CCT4: variants seen among roughly 807,000 people sequenced by gnomAD.
The protein encoded by CCT4 is chaperonin containing TCP1 subunit 4.
In CCT4, 17 loss-of-function variants were observed where a neutral mutation model predicts 62.5. That is an observed-to-expected ratio of 0.27 (90% CI 0.19 to 0.41). CCT4 has a LOEUF of 0.41. CCT4 is among the 10% of genes least tolerant of loss of function. The pLI, the probability that CCT4 is intolerant of heterozygous loss-of-function variation, is 1.00. For missense variants in CCT4, 592 were observed against 659.2 expected, an observed-to-expected ratio of 0.90 and a Z score of 1.12; for synonymous variants, 250 against 229.9, an observed-to-expected ratio of 1.09 and a Z score of -0.79.
chr2:61,879,897 A>G (rs1353736508), intron 4 of CCT4, among the ~76,000 whole-genome samples: 1 of 151,708 alleles, frequency 6.6e-6, no homozygotes. Flanking sequence ...TGCCCGGCTA[A>G]TTTTTTGTAT....
At chr2:61,868,901 C>G (rs955468201) in intron 13 of CCT4, 195 bp from the exon 14 acceptor site, 2 of 520,048 alleles carry the variant, frequency 3.8e-6, no homozygotes, top group Admixed American at 3.1e-5. Flanking sequence ...CTTTGGGAGG[C>G]TGAGGCAGGT....
intron 3 of CCT4, among the ~76,000 whole-genome samples, chr2:61,882,033 A>G (rs1378770114): frequency 1.3e-5 from 2 of 151,564 alleles, no homozygotes; most frequent in African/African-American, 4.9e-5. Context: ...TCCCCGGTTC[A>G]AGCAATTCTC....
intron 8 of CCT4, 136 bp from the exon 9 acceptor site, chr2:61,873,429 T>C: frequency 1.7e-6 from 1 of 583,758 alleles, no homozygotes. Context: ...GTTTACTAAG[T>C]TCGTAAGGTC....
chr2:61,881,511 C>T (rs1669115304), intron 3 of CCT4, among the ~76,000 whole-genome samples: 1 of 151,906 alleles, frequency 6.6e-6, no homozygotes, highest in African/African-American at 2.4e-5. Flanking sequence ...CTCAATAGTA[C>T]CACATACTAT....
intron 4 of CCT4, among the ~76,000 whole-genome samples, chr2:61,879,256 C>CTTTTTTTT (rs35373962): frequency 6.9e-5 from 7 of 101,078 alleles, no homozygotes; most frequent in Non-Finnish European, 1.1e-4. Context: ...AAATTTTATA[C>CTTTTTTTT]TTTTTTTTTT....
chr2:61,869,039 G>C (rs564400513), intron 13 of CCT4, among the ~76,000 whole-genome samples: 2 of 150,822 alleles, frequency 1.3e-5, no homozygotes, highest in South Asian at 4.2e-4. Flanking sequence ...GGAGGTGGGA[G>C]ACTGAGGCAA....
rs958677163 is a variant in CCT4, at chr2:61,877,207, G to A, written c.645-155C>T. On this transcript the variant is annotated intron_variant, in intron 6 of 13. Transcript: ENST00000394440. ...TCCTGGATCTCTTTGATCCACTGCTGCCTTACTATCATAAGGTAACATAAA... is the reference window on the plus strand; with the variant it reads ...TCCTGGATCTCTTTGATCCACTGCTACCTTACTATCATAAGGTAACATAAA... Among the ~76,000 whole-genome samples, 3 of 152,116 alleles carry A rather than the reference G, an allele frequency of 2.0e-5. No homozygotes were observed. The East Asian group carries it at 5.8e-4, about 29-fold the overall frequency.
intron 8 of CCT4, among the ~76,000 whole-genome samples, chr2:61,875,138 T>C (rs1487694114): frequency 1.0e-4 from 1 of 9,670 alleles, no homozygotes. Context: ...CGAAACTCCA[T>C]TTCAAAAAAA....
At chr2:61,882,961 C>T (rs1669151037) in intron 3 of CCT4, among the ~76,000 whole-genome samples, 1 of 152,108 alleles carries the variant, frequency 6.6e-6, no homozygotes, top group Non-Finnish European at 1.5e-5. Context: ...CACCACTATG[C>T]CTGGCTTGAT....
intron 5 of CCT4, among the ~76,000 whole-genome samples, chr2:61,878,611 T>C (rs1230239326): frequency 2.0e-5 from 3 of 152,208 alleles, no homozygotes; most frequent in Non-Finnish European, 2.9e-5. Context: ...AATTAAAATA[T>C]CTAGCTTTAT....
At chr2:61,872,889 T>C (rs1037100438) in intron 10 of CCT4, 113 bp downstream of exon 10, 11 of 727,754 alleles carry the variant, frequency 1.5e-5, no homozygotes, top group Admixed American at 4.3e-5. Flanking sequence ...ATCATGCCAC[T>C]GCACTCCAAC....
Position 61,888,520 on chromosome 2 carries a change from T to C in CCT4, c.-13A>G. On this transcript the variant is annotated 5_prime_UTR_variant, in exon 1 of 14. Transcript: ENST00000394440. ...CATTCTCGGGCATGGCAAACTCCGC[T>C]GTGTCTGGGTTGGCTCGGGAAGGAC... is the stretch of plus-strand genomic sequence containing the variant. The C allele has an allele frequency of 6.2e-7, 1 of 1,609,926 alleles. No individual in the cohort carries two copies.
intron 1 of CCT4, among the ~76,000 whole-genome samples, chr2:61,887,769 A>G (rs1051577536): frequency 2.0e-5 from 3 of 152,210 alleles, no homozygotes; most frequent in African/African-American, 7.2e-5. Flanking sequence ...CACTTCCACA[A>G]AAAAAACAAA....
intron 12 of CCT4, among the ~76,000 whole-genome samples, chr2:61,870,399 T>C (rs1432141987): frequency 1.3e-5 from 2 of 152,236 alleles, no homozygotes; most frequent in Non-Finnish European, 1.5e-5. Flanking sequence ...AATTCTTCAT[T>C]GCACCATCCT....
chr2:61,872,429 G>A (rs1668903017), intron 11 of CCT4, 29 bp downstream of exon 11: 1 of 1,561,924 alleles, frequency 6.4e-7, no homozygotes, highest in Non-Finnish European at 8.7e-7. Flanking sequence ...TGTTCAAAAT[G>A]TTACTTAATA....
intron 1 of CCT4, 39 bp from the exon 2 acceptor site, chr2:61,885,111 C>CA: frequency 1.5e-5 from 18 of 1,224,884 alleles, no homozygotes; most frequent in Non-Finnish European, 1.9e-5. Flanking sequence ...CAAATTAGAA[C>CA]TTTTTTTTTT....
At chr2:61,882,829 G>T (rs552991980) in intron 3 of CCT4, among the ~76,000 whole-genome samples, 34 of 150,130 alleles carry the variant, frequency 2.3e-4, no homozygotes, top group Admixed American at 1.7e-3. Flanking sequence ...TTTTTCTGGG[G>T]TTTCACTCTG....
rs1668818510 is a variant in CCT4, at chr2:61,868,354, T to C, written c.*338A>G. 3 of 249,268 alleles carry C rather than the reference T, an allele frequency of 1.2e-5. No individual in the cohort carries two copies. The highest frequency in any genetic ancestry group is 2.2e-5 in the African/African-American group (1 of 44,908). 15.4% of individuals were successfully genotyped at this position (249,268 alleles called of 1,614,324 possible). ...AGCATATATATTATATGTTGGTAGT[T>C]TTTAAGGCCAGGGAGCATTTATCAG... On this transcript the variant is annotated 3_prime_UTR_variant, in exon 14 of 14. Transcript: ENST00000394440.
chr2:61,886,634 T>C (rs1044344854), intron 1 of CCT4, among the ~76,000 whole-genome samples: 1 of 152,198 alleles, frequency 6.6e-6, no homozygotes, highest in African/African-American at 2.4e-5. Context: ...GGCCTTTCCT[T>C]CCCACATGCA....
Sources: allele counts gnomAD v4.1 joint callset (sites outside exome capture counted in the v4.1 genomes callset), GRCh38; gene constraint gnomAD v4.1.1; transcripts MANE v1.5; gene names NCBI Gene and HGNC (gene_info 2026-07-23, HGNC 2026-07-21).